Variants in HIVEP3 observed in about 807,000 individuals in gnomAD.
HIVEP3 encodes the protein HIVEP zinc finger 3.
A neutral mutation model predicts 152.8 loss-of-function variants in HIVEP3; 49 were observed. That is an observed-to-expected ratio of 0.32 (90% CI 0.26 to 0.41). The LOEUF (loss-of-function observed/expected upper bound fraction) is 0.41, where lower values mean the gene tolerates loss of function less well. HIVEP3 is among the 10% of genes least tolerant of loss of function. HIVEP3 has a pLI of 1.00. For missense variants in HIVEP3, 2,790 were observed against 3,103.3 expected (o/e 0.90, Z 2.40); for synonymous variants, 1,269 against 1,289.0 (o/e 0.98, Z 0.33).
chr1:41,804,273 C>G (rs1650473771), intron 1 of HIVEP3, among the ~76,000 whole-genome samples: 1 of 152,218 alleles, frequency 6.6e-6, no homozygotes, highest in South Asian at 2.1e-4. Flanking sequence ...TGGATTCACA[C>G]TCACCCACAG....
intron 2 of HIVEP3, among the ~76,000 whole-genome samples, chr1:41,691,457 A>G (rs1226878679): frequency 6.6e-6 from 1 of 152,192 alleles, no homozygotes; most frequent in Non-Finnish European, 1.5e-5. Context: ...AGGTGATAGT[A>G]TTAGGAGGTG....
chr1:41,851,791 T>C (rs1318268370), intron 1 of HIVEP3, among the ~76,000 whole-genome samples: 2 of 152,132 alleles, frequency 1.3e-5, no homozygotes, highest in Admixed American at 6.5e-5. Context: ...GGGGGTGGTG[T>C]CGATTTACTT....
rs1332185157 is a variant in HIVEP3 at position 41,664,169 on chromosome 1, G to A, written c.-720-35222C>T. Among the ~76,000 whole-genome samples, 3 of 152,192 alleles carry A rather than the reference G, an allele frequency of 2.0e-5. No homozygotes were observed. Among genetic ancestry groups the A allele is most frequent in the African/African-American group, 7.2e-5 (3 of 41,442 alleles). ...TTGATACAGGTCCTTCTCTTGAGCA[G>A]GGCAACTGGGGTGGGGTGCCCCCTG... On this transcript the variant is annotated intron_variant, in intron 2 of 8. Transcript: ENST00000372583. This position sits in a 1 kb window ranked among gnomAD's most constrained non-coding sequence, Gnocchi z 4.4.
intron 1 of HIVEP3, among the ~76,000 whole-genome samples, chr1:41,805,543 C>G (rs115878861): frequency 2.6e-3 from 400 of 152,224 alleles, no homozygotes; most frequent in Non-Finnish European, 4.7e-3. Context: ...CCCTCTGCCC[C>G]TCGTTTACAT....
At chr1:41,708,293 T>C (rs1205826339) in intron 1 of HIVEP3, among the ~76,000 whole-genome samples, 2 of 152,220 alleles carry the variant, frequency 1.3e-5, no homozygotes, top group Non-Finnish European at 2.9e-5. Flanking sequence ...GGGTCAAGCA[T>C]CATGTGCTAC....
intron 1 of HIVEP3, among the ~76,000 whole-genome samples, chr1:41,957,629 T>C (rs658303): frequency 0.58 from 88,819 of 152,116 alleles, 26,335 homozygotes; most frequent in East Asian, 0.71. Flanking sequence ...AGATTGGACA[T>C]GGAAAGAAAG....
chr1:41,741,162 A>T (rs1248711074), intron 1 of HIVEP3, among the ~76,000 whole-genome samples: 1 of 152,212 alleles, frequency 6.6e-6, no homozygotes, highest in East Asian at 1.9e-4. Flanking sequence ...GCAGGGAGGA[A>T]CTGCAAGAGG....
At chr1:41,683,777 A>G (rs1646075331) in intron 2 of HIVEP3, among the ~76,000 whole-genome samples, 1 of 152,160 alleles carries the variant, frequency 6.6e-6, no homozygotes, top group South Asian at 2.1e-4. Context: ...CAGAGGATAG[A>G]GCTAAGTTAG....
At chr1:41,739,447 G>A (rs1009693475) in intron 1 of HIVEP3, among the ~76,000 whole-genome samples, 8 of 152,156 alleles carry the variant, frequency 5.3e-5, no homozygotes, top group Non-Finnish European at 7.3e-5. Context: ...GCCCAGTGGC[G>A]GCCAAGTGAC....
intron 2 of HIVEP3, among the ~76,000 whole-genome samples, chr1:41,666,839 G>A (rs1467524164): frequency 6.6e-6 from 1 of 152,154 alleles, no homozygotes; most frequent in Non-Finnish European, 1.5e-5. Flanking sequence ...TTTAACAACA[G>A]AGCCTCAGTT....
At chr1:41,980,088 G>A (rs986470640) in intron 1 of HIVEP3, among the ~76,000 whole-genome samples, 3 of 152,168 alleles carry the variant, frequency 2.0e-5, no homozygotes, top group Non-Finnish European at 4.4e-5. Context: ...TGGAGAAACA[G>A]GAAGACTCTG....
chr1:41,848,171 C>T (rs1643494514), intron 1 of HIVEP3: 1 of 137,130 alleles, frequency 7.3e-6, no homozygotes, highest in Non-Finnish European at 1.6e-5. Flanking sequence ...GGCCAAAGTC[C>T]CATGAGGAAT....
chr1:41,767,712 A>G (rs1648103118), intron 1 of HIVEP3, among the ~76,000 whole-genome samples: 1 of 152,230 alleles, frequency 6.6e-6, no homozygotes, highest in Non-Finnish European at 1.5e-5. Context: ...CAGTTCATGC[A>G]GTTGACTTAT....
In HIVEP3 at chr1:41,583,692, C is replaced by A; in HGVS notation, c.1106G>T (p.Ser369Ile). The change falls in exon 4 of 9, where the codon AGC (serine) becomes ATC (isoleucine). Residue 369 changes from serine (S) to isoleucine (I), a missense_variant. Ser to Ile is a moderately radical substitution (Grantham distance 142). This residue lies in a region of HIVEP3 where 134 missense variants were observed against 242.5 expected (regional missense o/e 0.55). Coordinates refer to ENST00000372583, the MANE Select transcript of HIVEP3 (RefSeq NM_024503.5). The surrounding 1 kb of genome is among the most constrained non-coding windows in gnomAD (Gnocchi z 6.9). The part of the protein sequence containing the change: ...TIKQKLALRL[S>I]ERKKVIDEQA... ...CTCATCGATCACCTTCTTCCTCTCG[C>A]TTAAGCGGAGGGCCAGCTTCTGCTT... is the stretch of plus-strand genomic sequence containing the variant. The A allele has an allele frequency of 6.2e-7, 1 of 1,613,482 alleles. No homozygotes were observed. Among genetic ancestry groups the A allele is most frequent in the Non-Finnish European group, 8.5e-7 (1 of 1,179,590 alleles).
At chr1:41,594,925 G>A (rs1287071618) in intron 3 of HIVEP3, among the ~76,000 whole-genome samples, 1 of 152,144 alleles carries the variant, frequency 6.6e-6, no homozygotes, top group Non-Finnish European at 1.5e-5. Context: ...GTGAGGTAAA[G>A]ATAAAGCTTA....
At chr1:41,704,131 G>C (rs1646401127) in intron 1 of HIVEP3, among the ~76,000 whole-genome samples, 1 of 152,198 alleles carries the variant, frequency 6.6e-6, no homozygotes, top group Admixed American at 6.5e-5. Context: ...GAAGCTTCCT[G>C]CACCTGGGCC....
At chr1:41,561,527 T>C (rs989849100) in intron 5 of HIVEP3, among the ~76,000 whole-genome samples, 1 of 152,074 alleles carries the variant, frequency 6.6e-6, no homozygotes, top group Non-Finnish European at 1.5e-5. Flanking sequence ...CACTTTTTTT[T>C]TTTTTGAGAC....
chr1:41,928,815 T>C (rs560078837), intron 1 of HIVEP3, among the ~76,000 whole-genome samples: 1 of 152,292 alleles, frequency 6.6e-6, no homozygotes, highest in East Asian at 1.9e-4. Flanking sequence ...TGCACCCTTC[T>C]CAGTGCATCA....
chr1:41,612,402 T>C (rs1644911551), intron 3 of HIVEP3, among the ~76,000 whole-genome samples: 1 of 152,176 alleles, frequency 6.6e-6, no homozygotes, highest in Non-Finnish European at 1.5e-5. Flanking sequence ...TTCACCCAAG[T>C]TCCTCCTTGC....
Sources: allele counts gnomAD v4.1 joint callset (sites outside exome capture counted in the v4.1 genomes callset), GRCh38; gene constraint gnomAD v4.1.1; regional missense constraint gnomAD v4.1.1; non-coding constraint Gnocchi (gnomAD v3.1); transcripts MANE v1.5; gene names NCBI Gene and HGNC (gene_info 2026-07-23, HGNC 2026-07-21).